SFI1: variants seen among roughly 807,000 people sequenced by gnomAD.
The protein encoded by SFI1 is protein SFI1 homolog.
Under a neutral mutation model 207.5 loss-of-function variants are expected in SFI1, and 195 were observed. That is an observed-to-expected ratio of 0.94 (90% CI 0.84 to 1.06). The LOEUF (loss-of-function observed/expected upper bound fraction) is 1.06. Among genes scored for constraint, SFI1 ranks in the 50% least tolerant of loss-of-function variants. SFI1 has a pLI of 0.00. For synonymous variants in SFI1, 630 were observed against 598.9 expected, an observed-to-expected ratio of 1.05 and a Z score of -0.76; for missense variants, 1,634 against 1,588.0, an observed-to-expected ratio of 1.03 and a Z score of -0.49.
chr22:31,599,771 T>C (rs1038233784), intron 15 of SFI1, among the ~76,000 whole-genome samples: 5 of 151,444 alleles, frequency 3.3e-5, no homozygotes, highest in Admixed American at 3.3e-4. Context: ...CCACCATGCC[T>C]GGCCCAGTTC....
At chr22:31,503,390 T>C (rs2054122969) in intron 1 of SFI1, among the ~76,000 whole-genome samples, 1 of 152,080 alleles carries the variant, frequency 6.6e-6, no homozygotes, top group Non-Finnish European at 1.5e-5. Context: ...AGTTTTTCAT[T>C]TCCTCAAACC....
Position 31,547,021 on chromosome 22 carries a change from A to G in SFI1, c.449+50A>G, listed in dbSNP as rs746850812. The G allele has an allele frequency of 4.6e-6, 6 of 1,308,738 alleles. No homozygotes were observed. In the African/African-American group the frequency reaches 5.9e-5, roughly 13 times the overall value. 81.1% of individuals were successfully genotyped at this position (1,308,738 alleles called of 1,614,324 possible). A position where few individuals can be genotyped will look rare whatever the true frequency, so the allele number is the denominator to read the frequency against. On this transcript the variant is annotated intron_variant, in intron 5 of 32. Transcript: ENST00000400288. ...CAGTTTTACTGATGCACATTATCAGATGATTATTTGTTGGCGTGTTTATGG... is the reference window on the plus strand; with the variant it reads ...CAGTTTTACTGATGCACATTATCAGGTGATTATTTGTTGGCGTGTTTATGG...
intron 2 of SFI1, among the ~76,000 whole-genome samples, chr22:31,516,342 G>A (rs1395866508): frequency 3.3e-5 from 5 of 150,850 alleles, no homozygotes; most frequent in Admixed American, 6.6e-5. Context: ...GCAAAACCCC[G>A]TCTCTACTAA....
At chr22:31,603,633 GGCTCCC>G in intron 17 of SFI1, 105 bp from the exon 18 acceptor site, 1 of 840,110 alleles carries the variant, frequency 1.2e-6, no homozygotes, top group Non-Finnish European at 1.7e-6. Flanking sequence ...AGAGGGTCTT[GGCTCCC>G]CCAAAAACTT....
chr22:31,559,594 T>C, intron 7 of SFI1: 3 of 659,962 alleles, frequency 4.5e-6, no homozygotes, highest in Non-Finnish European at 8.5e-6. Flanking sequence ...GGATGTGGGT[T>C]GACAGTACAC....
At chr22:31,557,368 T>C (rs766971249) in intron 7 of SFI1, among the ~76,000 whole-genome samples, 1 of 151,882 alleles carries the variant, frequency 6.6e-6, no homozygotes, top group Non-Finnish European at 1.5e-5. Context: ...TTTCATTTTT[T>C]TGTAGAGGCG....
At chr22:31,521,868 C>T (rs1481261670) in intron 2 of SFI1, among the ~76,000 whole-genome samples, 1 of 151,140 alleles carries the variant, frequency 6.6e-6, no homozygotes, top group Non-Finnish European at 1.5e-5. Flanking sequence ...GGTTCAAGTG[C>T]TGCTTGTGCT....
Position 31,618,139 on chromosome 22 carries a change from C to T in SFI1, c.3537C>T (p.Ser1179=). 1 of 1,583,446 alleles carries T rather than the reference C, an allele frequency of 6.3e-7. No individual in the cohort carries two copies. The highest frequency in any genetic ancestry group is 8.6e-7 in the Non-Finnish European group (1 of 1,166,858). ...GGTCCTGTCGGCGGCAAGCGAGCAG[C>T]CTGCGCAGGTGGCTGGAGCTGAACA... ...NLWSCRRQAS[S]LRRWLELNRE... is the part of the protein sequence containing the mutation. Residue 1179 remains serine, a synonymous_variant, in exon 32 of 33, where the codon AGC becomes AGT. Coordinates refer to ENST00000400288, the MANE Select transcript of SFI1 (RefSeq NM_001007467.3).
At chr22:31,519,301 T>A (rs1351383080) in intron 2 of SFI1, among the ~76,000 whole-genome samples, 1 of 151,580 alleles carries the variant, frequency 6.6e-6, no homozygotes, top group Non-Finnish European at 1.5e-5. Context: ...TACAGGGTCT[T>A]GCTCTGTCGC....
At chr22:31,542,014 T>G (rs2059565536) in intron 4 of SFI1, among the ~76,000 whole-genome samples, 3 of 147,978 alleles carry the variant, frequency 2.0e-5, no homozygotes. Context: ...GGAAGGAGAC[T>G]GGCGTGAACC....
chr22:31,591,545 C>T (rs1160637378), intron 15 of SFI1, among the ~76,000 whole-genome samples: 4 of 144,916 alleles, frequency 2.8e-5, no homozygotes, highest in Admixed American at 6.8e-5. Flanking sequence ...TAGGGGTGGC[C>T]GGGCAGAGGC....
chr22:31,537,761 T>C (rs904711892), intron 4 of SFI1, among the ~76,000 whole-genome samples: 1 of 152,228 alleles, frequency 6.6e-6, no homozygotes, highest in Non-Finnish European at 1.5e-5. Context: ...CTAATATCTA[T>C]ATATCAATAT....
intron 29 of SFI1, chr22:31,615,782 G>T (rs1264397607): frequency 1.3e-5 from 2 of 153,990 alleles, no homozygotes; most frequent in African/African-American, 2.4e-5. Flanking sequence ...TGCTCTGAGG[G>T]AGTTGCTGAA....
chr22:31,544,589 C>T (rs971571447), intron 4 of SFI1, among the ~76,000 whole-genome samples: 7 of 151,836 alleles, frequency 4.6e-5, no homozygotes, highest in Non-Finnish European at 5.9e-5. Flanking sequence ...CGTGCCTCTA[C>T]AAAAAATAAA....
At chr22:31,522,287 C>G (rs903231094) in intron 2 of SFI1, among the ~76,000 whole-genome samples, 24 of 150,848 alleles carry the variant, frequency 1.6e-4, no homozygotes, top group African/African-American at 5.1e-4. Flanking sequence ...AGGCTGCTCT[C>G]GAACTCCTGA....
chr22:31,588,195 G>C (rs1267687265), intron 14 of SFI1, among the ~76,000 whole-genome samples: 1 of 152,180 alleles, frequency 6.6e-6, no homozygotes, highest in Non-Finnish European at 1.5e-5. Flanking sequence ...CACACATCTA[G>C]ATCCTGGATT....
chr22:31,547,859 C>G (rs148141392), intron 5 of SFI1, among the ~76,000 whole-genome samples: 1 of 150,846 alleles, frequency 6.6e-6, no homozygotes, highest in Non-Finnish European at 1.5e-5. Context: ...ATCCTGCCAC[C>G]TTGGCCTCCC....
Position 31,557,023 on chromosome 22 carries a change from C to G in SFI1, c.626C>G (p.Thr209Ser), listed in dbSNP as rs774441135. The change falls in exon 7 of 33, where the codon ACT becomes AGT. Residue 209 changes from threonine (T) to serine (S), a missense_variant. Thr to Ser is a moderately conservative substitution (Grantham distance 58). Transcript: ENST00000400288. ...CGTAGGACCAAACTTCAGATGCAGACTACAGCTCTGGAGTTTAGGCAACGG... is the reference window on the plus strand; with the variant it reads ...CGTAGGACCAAACTTCAGATGCAGAGTACAGCTCTGGAGTTTAGGCAACGG... Reference protein sequence around the residue: ...VVRRTKLQMQTTALEFRQRII... With the variant: ...VVRRTKLQMQSTALEFRQRII... The G allele has an allele frequency of 1.2e-6, 2 of 1,611,912 alleles. No individual in the cohort carries two copies. Among genetic ancestry groups the G allele is most frequent in the Admixed American group, 3.3e-5 (2 of 59,754 alleles).
At chr22:31,498,096 C>T (rs2053048838) in intron 1 of SFI1, among the ~76,000 whole-genome samples, 1 of 152,140 alleles carries the variant, frequency 6.6e-6, no homozygotes, top group Non-Finnish European at 1.5e-5. Context: ...AGTTTGAGAC[C>T]AGCCTGGCCA....
Sources: gnomAD v4.1 joint callset for allele counts (sites outside exome capture counted in the v4.1 genomes callset) on GRCh38, gnomAD v4.1.1 for gene constraint, MANE v1.5 for transcripts, NCBI Gene and HGNC (gene_info 2026-07-23, HGNC 2026-07-21) for gene names.